CORO6: variants seen among roughly 807,000 people sequenced by gnomAD.
CORO6 encodes coronin 6, also known as coronin-6.
Under a neutral mutation model 49.0 loss-of-function variants are expected in CORO6, and 43 were observed. That is an observed-to-expected ratio of 0.88 (90% CI 0.69 to 1.13). The LOEUF (loss-of-function observed/expected upper bound fraction) is 1.13. Ranked by LOEUF, CORO6 falls within the 50% of genes most tolerant of loss-of-function variation. The pLI, the probability that CORO6 is intolerant of heterozygous loss-of-function variation, is 0.00. For missense variants in CORO6, 650 were observed against 647.0 expected, an observed-to-expected ratio of 1.00 and a Z score of -0.05; for synonymous variants, 233 against 256.5, an observed-to-expected ratio of 0.91 and a Z score of 0.88.
At position 29,616,570 on chromosome 17, in the gene CORO6, A is replaced by G; in HGVS notation, c.1004+132T>C. 2 of 1,261,292 alleles carry G rather than the reference A, an allele frequency of 1.6e-6. No homozygotes were observed. Among genetic ancestry groups the G allele is most frequent in the Non-Finnish European group, 1.1e-6 (1 of 899,726 alleles). 78.1% of individuals were successfully genotyped at this position (1,261,292 alleles called of 1,614,324 possible). A position where few individuals can be genotyped will look rare whatever the true frequency, so the allele number is the denominator to read the frequency against. Reference sequence around the variant, plus strand: ...CTAGTGAGCGGTGGGTCTGGCACTGAAACAGAGCTGTCTTATCCCCCCGCC... The same window carrying G: ...CTAGTGAGCGGTGGGTCTGGCACTGGAACAGAGCTGTCTTATCCCCCCGCC... On this transcript the variant is annotated intron_variant, in intron 8 of 10. Transcript: ENST00000388767. The surrounding 1 kb of genome is among the most constrained non-coding windows in gnomAD (Gnocchi z 5.6).
In CORO6 at chr17:29,615,165, A is replaced by C. The variant is rs945881266; in HGVS notation, c.*567T>G. 4.6e-5 allele frequency: 7 copies of C among 152,070 alleles called. No homozygotes were observed. Among genetic ancestry groups the C allele is most frequent in the African/African-American group, 9.7e-5 (4 of 41,336 alleles). The allele number at this position is 152,070 out of a possible 1,614,324, so 9.4% of individuals were successfully genotyped here. ...CCCTGTCGGTGGAAAGAAGGAAGAG[A>C]GTTCTCTACCACAGACCGCTGTGGG... On this transcript the variant is annotated 3_prime_UTR_variant, in exon 11 of 11. Coordinates refer to ENST00000388767, the MANE Select transcript of CORO6 (RefSeq NM_032854.4).
In CORO6 at chr17:29,616,411, T is replaced by G; in HGVS notation, c.1005-75A>C. On this transcript the variant is annotated intron_variant, in intron 8 of 10. Coordinates refer to ENST00000388767, the MANE Select transcript of CORO6 (RefSeq NM_032854.4). This position sits in a 1 kb window ranked among gnomAD's most constrained non-coding sequence, Gnocchi z 5.6. Reference sequence around the variant, plus strand: ...TTCTCCTGTCTAAGACCAAGGGGGTTGGAGGCCAACACTTGCTCAGCGCCT... The same window carrying G: ...TTCTCCTGTCTAAGACCAAGGGGGTGGGAGGCCAACACTTGCTCAGCGCCT... 1 of 1,436,890 alleles carries G rather than the reference T, an allele frequency of 7.0e-7. No individual in the cohort carries two copies. Among genetic ancestry groups the G allele is most frequent in the African/African-American group, 1.4e-5 (1 of 71,342 alleles). The allele number at this position is 1,436,890 out of a possible 1,614,324, so 89.0% of individuals were successfully genotyped here. A position where few individuals can be genotyped will look rare whatever the true frequency, so the allele number is the denominator to read the frequency against.
At position 29,618,423 on chromosome 17, in the gene CORO6, T is replaced by C. The variant is rs544645896; in HGVS notation, c.633+367A>G. ...CGAGCCAGTGTCAGGCCCCAGACCC[T>C]GGAAGATGCGTCTGGGTGCCGGCTG... is the stretch of plus-strand genomic sequence containing the variant. On this transcript the variant is annotated intron_variant, in intron 5 of 10. Transcript: ENST00000388767. 2.3e-6 allele frequency: 3 copies of C among 1,283,024 alleles called. No individual in the cohort carries two copies. The South Asian group carries it at 7.8e-5, about 34-fold the overall frequency. The allele number at this position is 1,283,024 out of a possible 1,614,324, so 79.5% of individuals were successfully genotyped here.
In CORO6 at chr17:29,619,686, CGTT is replaced by C. The variant is rs1567809906; in HGVS notation, c.283_285del (p.Asn95del). 1 of 1,613,800 alleles carries C rather than the reference CGTT, an allele frequency of 6.2e-7. No homozygotes were observed. The highest frequency in any genetic ancestry group is 2.2e-5 in the East Asian group (1 of 44,880). On this transcript the variant is annotated inframe_deletion, in exon 3 of 11. Coordinates refer to ENST00000388767, the MANE Select transcript of CORO6 (RefSeq NM_032854.4). ...GTGTCGTCTGAGGCACTGGCGATAA[CGTT>C]GTCATTGTGTGGACACCAGTCAATA...
chr17:29,619,567 C>T (rs2035199653), intron 3 of CORO6, 84 bp downstream of exon 3: 1 of 1,402,856 alleles, frequency 7.1e-7, no homozygotes, highest in South Asian at 1.2e-5. Flanking sequence ...CTTATTACCA[C>T]CCTTAGCACC....
intron 5 of CORO6, chr17:29,618,280 CTT>C: frequency 2.3e-6 from 3 of 1,304,324 alleles, no homozygotes. Flanking sequence ...CCAGGTTAGA[CTT>C]GAGGCTGGCG....
rs775022235 is a variant in CORO6, at chr17:29,616,118, C to T, written c.1120G>A (p.Glu374Lys). Reference protein sequence around the residue: ...PDTPGPEPALEADEWLSGQDA... With the variant: ...PDTPGPEPALKADEWLSGQDA... ...TGGCCGGATAGCCATTCGTCCGCTT[C>T]TAGGGCCGGCTCCGGGCCTGGCGTA... Residue 374 changes from glutamate (E) to lysine (K), a missense_variant, in exon 10 of 11, where the codon GAA becomes AAA. Glu to Lys is a moderately conservative substitution (Grantham distance 56). Transcript: ENST00000388767. The surrounding 1 kb of genome is among the most constrained non-coding windows in gnomAD (Gnocchi z 5.6). 6.2e-7 allele frequency: 1 copy of T among 1,613,364 alleles called. No homozygotes were observed. Among genetic ancestry groups the T allele is most frequent in the East Asian group, 2.2e-5 (1 of 44,866 alleles).
At position 29,615,481 on chromosome 17, in the gene CORO6, A is replaced by T; in HGVS notation, c.*251T>A. 1 of 466,042 alleles carries T rather than the reference A, an allele frequency of 2.1e-6. No homozygotes were observed. Among genetic ancestry groups the T allele is most frequent in the Non-Finnish European group, 3.8e-6 (1 of 263,948 alleles). 28.9% of individuals were successfully genotyped at this position (466,042 alleles called of 1,614,324 possible). A position where few individuals can be genotyped will look rare whatever the true frequency, so the allele number is the denominator to read the frequency against. ...GTGCAGCACCATTGCTGAGCCCCCCAGGTTACCCCAGGCCTCCCTAGGCCA... is the reference window on the plus strand; with the variant it reads ...GTGCAGCACCATTGCTGAGCCCCCCTGGTTACCCCAGGCCTCCCTAGGCCA... On this transcript the variant is annotated 3_prime_UTR_variant, in exon 11 of 11. Transcript: ENST00000388767.
chr17:29,617,757 G>C (rs2035061086), intron 5 of CORO6, 138 bp from the exon 6 acceptor site: 1 of 954,148 alleles, frequency 1.0e-6, no homozygotes, highest in East Asian at 2.7e-5. Context: ...TGGGGCCTAA[G>C]CACTCAGCTT....
At chr17:29,617,996 C>T in intron 5 of CORO6, 1 of 1,391,756 alleles carries the variant, frequency 7.2e-7, no homozygotes. Flanking sequence ...AAGGCGCTCC[C>T]GGCAGACCCA....
In CORO6 at chr17:29,615,500, T is replaced by TA; in HGVS notation, c.*231dup. Reference sequence around the variant, plus strand: ...CCCCCCAGGTTACCCCAGGCCTCCCTAGGCCAGCTCCAGCCGAGTCCCAGA... The same window carrying TA: ...CCCCCCAGGTTACCCCAGGCCTCCCTAAGGCCAGCTCCAGCCGAGTCCCAGA... On this transcript the variant is annotated 3_prime_UTR_variant, in exon 11 of 11. Coordinates refer to ENST00000388767, the MANE Select transcript of CORO6 (RefSeq NM_032854.4). 1 of 527,102 alleles carries TA rather than the reference T, an allele frequency of 1.9e-6. No individual in the cohort carries two copies. The allele number at this position is 527,102 out of a possible 1,614,324, so 32.7% of individuals were successfully genotyped here.
At chr17:29,618,325 G>T (rs2035112765) in intron 5 of CORO6, 1 of 1,295,316 alleles carries the variant, frequency 7.7e-7, no homozygotes, top group East Asian at 3.1e-5. Flanking sequence ...AGGGCATCCG[G>T]CTGGGATAAG....
intron 5 of CORO6, 61 bp downstream of exon 5, chr17:29,618,729 G>A: frequency 1.1e-5 from 18 of 1,572,156 alleles, no homozygotes; most frequent in Non-Finnish European, 1.3e-5. Flanking sequence ...GTGGGTACAA[G>A]GGTGCTGACA....
rs776156815 is a variant in CORO6 at position 29,617,451 on chromosome 17, C to A, written c.753+49G>T. On this transcript the variant is annotated intron_variant, in intron 6 of 10. Coordinates refer to ENST00000388767, the MANE Select transcript of CORO6 (RefSeq NM_032854.4). ...GGTGGGGGGCGCCTGGCCACTCTCCCGTGATGCCAGTCCCCGAGGCACACA... is the reference window on the plus strand; with the variant it reads ...GGTGGGGGGCGCCTGGCCACTCTCCAGTGATGCCAGTCCCCGAGGCACACA... 22 of 1,572,524 alleles carry A rather than the reference C, an allele frequency of 1.4e-5. No homozygotes were observed. In the African/African-American group the frequency reaches 2.0e-4, roughly 14 times the overall value.
At position 29,619,165 on chromosome 17, in the gene CORO6, G is replaced by A; in HGVS notation, c.346C>T (p.Pro116Ser). ...IMVWQIPDYT[P>S]MRNITEPIIT... is the part of the protein sequence containing the mutation. ...ATAGGTTCCGTAATGTTGCGCATGG[G>A]GGTATAGTCTGGAATCTGCCACACC... Residue 116 changes from proline to serine, a missense_variant, in exon 4 of 11, where the codon CCC (proline) becomes TCC (serine). Transcript: ENST00000388767. 1 of 1,613,696 alleles carries A rather than the reference G, an allele frequency of 6.2e-7. No individual in the cohort carries two copies.
At position 29,616,448 on chromosome 17, in the gene CORO6, T is replaced by C. The variant is rs568118705; in HGVS notation, c.1005-112A>G. 9.6e-7 allele frequency: 1 copy of C among 1,041,172 alleles called. No homozygotes were observed. The highest frequency in any genetic ancestry group is 1.6e-5 in the African/African-American group (1 of 63,136). 64.5% of individuals were successfully genotyped at this position (1,041,172 alleles called of 1,614,324 possible). A position where few individuals can be genotyped will look rare whatever the true frequency, so the allele number is the denominator to read the frequency against. On this transcript the variant is annotated intron_variant, in intron 8 of 10. Coordinates refer to ENST00000388767, the MANE Select transcript of CORO6 (RefSeq NM_032854.4). This position sits in a 1 kb window ranked among gnomAD's most constrained non-coding sequence, Gnocchi z 5.6. ...CTTGCTCAGCGCCTACCATGCATAT[T>C]GCACATTACACACATTATTGGTTCT...
At chr17:29,618,164 G>A in intron 5 of CORO6, 4 of 1,373,042 alleles carry the variant, frequency 2.9e-6, no homozygotes, top group Non-Finnish European at 3.7e-6. Context: ...GGCCGGGCTT[G>A]CTCCTGCTCG....
Position 29,622,688 on chromosome 17 carries a change from C to T in CORO6, c.-64G>A. The stretch of plus-strand genomic sequence containing the variant: ...CGGCCGGGTGTGGGGGGCTGGGTAC[C>T]TGGTCCTGAGCGGGCTGCGGGGCGC... On this transcript the variant is annotated splice_region_variant and 5_prime_UTR_variant, in exon 1 of 11. Transcript: ENST00000388767. 1 of 1,244,166 alleles carries T rather than the reference C, an allele frequency of 8.0e-7. No individual in the cohort carries two copies. The highest frequency in any genetic ancestry group is 1.0e-6 in the Non-Finnish European group (1 of 959,902). The allele number at this position is 1,244,166 out of a possible 1,614,324, so 77.1% of individuals were successfully genotyped here.
At position 29,621,477 on chromosome 17, in the gene CORO6, C is replaced by T. The variant is rs2035305858; in HGVS notation, c.-56G>A. On this transcript the variant is annotated 5_prime_UTR_variant, in exon 2 of 11. Coordinates refer to ENST00000388767, the MANE Select transcript of CORO6 (RefSeq NM_032854.4). The surrounding 1 kb of genome is among the most constrained non-coding windows in gnomAD (Gnocchi z 4.2). Reference sequence around the variant, plus strand: ...CCCAGAAATGCCTTTGGTCCTTAGTCCTGTGAGCTGCGGGAGGGAGGAGGA... The same window carrying T: ...CCCAGAAATGCCTTTGGTCCTTAGTTCTGTGAGCTGCGGGAGGGAGGAGGA... 1 of 1,550,994 alleles carries T rather than the reference C, an allele frequency of 6.4e-7. No homozygotes were observed. The highest frequency in any genetic ancestry group is 8.7e-7 in the Non-Finnish European group (1 of 1,145,260).
Sources: gnomAD v4.1 joint callset for allele counts on GRCh38, gnomAD v4.1.1 for gene constraint, Gnocchi (gnomAD v3.1) non-coding constraint, MANE v1.5 for transcripts, NCBI Gene and HGNC (gene_info 2026-07-23, HGNC 2026-07-21) for gene names.